The following CDH12 variants were observed in gnomAD, a reference collection of about 807,000 sequenced individuals.
The protein encoded by CDH12 is cadherin-12.
A neutral mutation model predicts 74.1 loss-of-function variants in CDH12; 41 were observed. The observed-to-expected ratio is 0.55, with a 90% CI of 0.43 to 0.72. The LOEUF (loss-of-function observed/expected upper bound fraction) is 0.72, where lower values mean the gene tolerates loss of function less well. CDH12 is among the 30% of genes least tolerant of loss of function. The pLI is 0.00. For synonymous variants in CDH12, 399 were observed against 355.0 expected, an observed-to-expected ratio of 1.12 and a Z score of -1.39; for missense variants, 945 against 977.2, an observed-to-expected ratio of 0.97 and a Z score of 0.44.
intron 1 of CDH12, among the ~76,000 whole-genome samples, chr5:22,635,642 G>A (rs1368773188): frequency 6.6e-6 from 1 of 152,120 alleles, no homozygotes; most frequent in Non-Finnish European, 1.5e-5. Context: ...CAGTCTGGGC[G>A]CGGTGGCTCA....
intron 2 of CDH12, among the ~76,000 whole-genome samples, chr5:22,445,698 G>T (rs1407437252): frequency 6.6e-6 from 1 of 152,046 alleles, no homozygotes; most frequent in Admixed American, 6.6e-5. Flanking sequence ...GAGAATAAGT[G>T]AATGGCAGGA....
chr5:22,257,257 C>T (rs1753350778), intron 3 of CDH12, among the ~76,000 whole-genome samples: 3 of 151,964 alleles, frequency 2.0e-5, no homozygotes, highest in Admixed American at 2.0e-4. Flanking sequence ...ACATAATCTG[C>T]ACAACAAACT....
At chr5:22,097,982 CT>C (rs1561107059) in intron 4 of CDH12, among the ~76,000 whole-genome samples, 1 of 152,202 alleles carries the variant, frequency 6.6e-6, no homozygotes, top group Non-Finnish European at 1.5e-5. Flanking sequence ...AGATCTGTGC[CT>C]TATCAACCAA....
At position 21,947,708 on chromosome 5, in the gene CDH12, G is replaced by A. The variant is rs1755641938; in HGVS notation, c.526+27383C>T. Among the ~76,000 whole-genome samples the A allele has an allele frequency of 3.3e-5, 5 of 152,202 alleles. No individual in the cohort carries two copies. The South Asian group carries it at 1.0e-3, about 31-fold the overall frequency. ...CTACAGAAATTTGCCTAAATAACAA[G>A]AAGCCGAATGTTGTTACAGTAGCCA... On this transcript the variant is annotated intron_variant, in intron 6 of 14. Transcript: ENST00000382254.
chr5:22,704,997 T>C (rs2126965134), intron 1 of CDH12, among the ~76,000 whole-genome samples: 1 of 152,044 alleles, frequency 6.6e-6, no homozygotes. Context: ...TAAATCATCT[T>C]TGTATACTGC....
intron 1 of CDH12, among the ~76,000 whole-genome samples, chr5:22,656,626 T>C (rs960169761): frequency 6.6e-6 from 1 of 152,318 alleles, no homozygotes; most frequent in Admixed American, 6.5e-5. Flanking sequence ...TATTTGGCAG[T>C]GTCTACCAAA....
At chr5:22,291,027 C>T (rs1053680717) in intron 3 of CDH12, among the ~76,000 whole-genome samples, 3 of 151,910 alleles carry the variant, frequency 2.0e-5, no homozygotes, top group South Asian at 4.1e-4. Flanking sequence ...ATGATGATCA[C>T]GTGGGATTTA....
chr5:22,119,867 C>T (rs10941934), intron 4 of CDH12, among the ~76,000 whole-genome samples: 72,511 of 151,880 alleles, frequency 0.48, 17,572 homozygotes, highest in Middle Eastern at 0.52. Flanking sequence ...TAAGTGATTT[C>T]CATTGTTAAA....
At chr5:22,802,104 G>C (rs970201885) in intron 1 of CDH12, among the ~76,000 whole-genome samples, 16 of 150,210 alleles carry the variant, frequency 1.1e-4, no homozygotes, top group African/African-American at 3.9e-4. Context: ...TGCTCAAACA[G>C]AATATTAAAT....
chr5:22,653,001 A>G (rs573339091), intron 1 of CDH12, among the ~76,000 whole-genome samples: 1 of 152,302 alleles, frequency 6.6e-6, no homozygotes, highest in East Asian at 1.9e-4. Flanking sequence ...AACACTAAAC[A>G]CTTGTAATAT....
intron 1 of CDH12, among the ~76,000 whole-genome samples, chr5:22,517,043 TA>T (rs1736842981): frequency 6.6e-6 from 1 of 151,966 alleles, no homozygotes; most frequent in South Asian, 2.1e-4. Flanking sequence ...TAAAATTTTT[TA>T]AAAAATAGCT....
At chr5:22,421,327 A>G (rs1169835675) in intron 2 of CDH12, among the ~76,000 whole-genome samples, 1 of 152,064 alleles carries the variant, frequency 6.6e-6, no homozygotes, top group Non-Finnish European at 1.5e-5. Flanking sequence ...TCCTAATGCT[A>G]GCCCTCCCCT....
At chr5:22,204,255 G>C (rs1468323695) in intron 4 of CDH12, among the ~76,000 whole-genome samples, 2 of 151,158 alleles carry the variant, frequency 1.3e-5, no homozygotes, top group Non-Finnish European at 2.9e-5. Context: ...TCCGCCTCGG[G>C]GTTCACGCCA....
intron 6 of CDH12, among the ~76,000 whole-genome samples, chr5:21,922,938 G>GTATCTATATCTA (rs10644202): frequency 0.23 from 33,145 of 145,762 alleles, 4,101 homozygotes; most frequent in Non-Finnish European, 0.27. Context: ...GTGTGTATGT[G>GTATCTATATCTA]TATCTATATC....
intron 1 of CDH12, among the ~76,000 whole-genome samples, chr5:22,695,170 C>T (rs932288951): frequency 3.3e-5 from 5 of 152,106 alleles, no homozygotes; most frequent in African/African-American, 1.2e-4. Flanking sequence ...GACATGAACT[C>T]ATTCTTTTTT....
At chr5:21,762,148 A>C (rs377164586) in intron 12 of CDH12, among the ~76,000 whole-genome samples, 6 of 152,274 alleles carry the variant, frequency 3.9e-5, no homozygotes, top group Non-Finnish European at 1.5e-5. Context: ...TAAACTAGCA[A>C]CATTACTAAA....
chr5:21,914,813 T>C (rs1561295536), intron 6 of CDH12, among the ~76,000 whole-genome samples: 1 of 152,238 alleles, frequency 6.6e-6, no homozygotes, highest in Non-Finnish European at 1.5e-5. Context: ...AATTAGTGTT[T>C]AAATAACTAG....
chr5:22,310,149 T>TA (rs1184081392), intron 3 of CDH12, among the ~76,000 whole-genome samples: 4 of 151,694 alleles, frequency 2.6e-5, no homozygotes, highest in Middle Eastern at 3.2e-3. Context: ...TAAAGTATAA[T>TA]AAAAAACAAC....
At chr5:21,953,774 C>G (rs1013205440) in intron 6 of CDH12, among the ~76,000 whole-genome samples, 12 of 152,014 alleles carry the variant, frequency 7.9e-5, no homozygotes, top group Non-Finnish European at 5.9e-5. Context: ...TAGATTCTGT[C>G]CAATCCTTAC....
Sources: allele counts gnomAD v4.1 joint callset (sites outside exome capture counted in the v4.1 genomes callset), GRCh38; gene constraint gnomAD v4.1.1; transcripts MANE v1.5; gene names NCBI Gene and HGNC (gene_info 2026-07-23, HGNC 2026-07-21).